The following ZNF721 variants were observed in gnomAD, a reference collection of about 807,000 sequenced individuals.
ZNF721 encodes the protein zinc finger protein 721.
In ZNF721, 2 loss-of-function variants were observed where a neutral mutation model predicts 2.4. That is an observed-to-expected ratio of 0.82 (90% CI 0.34 to 2.58). ZNF721 has a LOEUF of 2.58. Ranked by LOEUF, ZNF721 falls within the 30% of genes most tolerant of loss-of-function variation. The probability of loss-of-function intolerance (pLI) is 0.11; values close to 1 mark genes in which losing one functional copy is unlikely to be tolerated. For synonymous variants in ZNF721, 398 were observed against 381.8 expected (o/e 1.04, Z -0.50); for missense variants, 1,187 against 1,085.5 (o/e 1.09, Z -1.31).
intron 1 of ZNF721, among the ~76,000 whole-genome samples, chr4:482,119 A>G (rs781900474): frequency 6.6e-6 from 1 of 152,222 alleles, no homozygotes; most frequent in Non-Finnish European, 1.5e-5. Flanking sequence ...ATGCTCCCAC[A>G]GGTCGCATAT....
chr4:490,275 G>C (rs1303586180), intron 1 of ZNF721, among the ~76,000 whole-genome samples: 1 of 151,718 alleles, frequency 6.6e-6, no homozygotes, highest in Non-Finnish European at 1.5e-5. Flanking sequence ...AGGAGATCGA[G>C]ACCATCCTGG....
intron 2 of ZNF721, among the ~76,000 whole-genome samples, chr4:447,614 T>C (rs183345939): frequency 1.3e-5 from 2 of 152,242 alleles, no homozygotes; most frequent in Admixed American, 1.3e-4. Context: ...AAGGGATTGA[T>C]TGCAAAAATT....
chr4:474,216 T>C (rs901695621), intron 1 of ZNF721: 1 of 393,868 alleles, frequency 2.5e-6, no homozygotes, highest in Non-Finnish European at 4.9e-6. Context: ...CAGTTCTCAG[T>C]CAAGCGCTCT....
intron 1 of ZNF721, among the ~76,000 whole-genome samples, chr4:492,084 A>G (rs1313951944): frequency 2.0e-5 from 3 of 151,594 alleles, no homozygotes; most frequent in African/African-American, 4.9e-5. Flanking sequence ...AATGGTGTGA[A>G]CCAAGGAGGC....
chr4:444,979 CTTTTTTTTT>C (rs569762644), intron 2 of ZNF721, among the ~76,000 whole-genome samples: 1 of 108,736 alleles, frequency 9.2e-6, no homozygotes, highest in African/African-American at 4.0e-5. Context: ...TGATGAGAGA[CTTTTTTTTT>C]TTTTTTTTTT....
At chr4:492,315 C>T (rs782407229) in intron 1 of ZNF721, among the ~76,000 whole-genome samples, 4 of 152,094 alleles carry the variant, frequency 2.6e-5, no homozygotes, top group Non-Finnish European at 5.9e-5. Context: ...AAAAGACCTT[C>T]TGCAGTGCAC....
chr4:443,402 A>G lies in ZNF721; in HGVS notation c.1065T>C (p.His355=). 1 of 1,613,060 alleles carries G rather than the reference A, an allele frequency of 6.2e-7. No individual in the cohort carries two copies. The highest frequency in any genetic ancestry group is 8.5e-7 in the Non-Finnish European group (1 of 1,179,162). The change falls in exon 3 of 3, where the codon CAT becomes CAC. Residue 355 remains histidine (H), a synonymous_variant. Transcript: ENST00000511833. ...CGCATTTGTAAGGTTTCTCTCCAGT[A>G]TGAATTCTCCTATGTACGTAAAGGT... ...SANLYVHRRI[H]TGEKPYKCED...
Position 443,618 on chromosome 4 carries a change from A to C in ZNF721, c.849T>G (p.Gly283=). The change falls in exon 3 of 3, where the codon GGT becomes GGG. Residue 283 remains glycine, a synonymous_variant. Transcript: ENST00000511833. ...GGGTTGTGGAAATATTAAAGGCTTT[A>C]CCACATTCTAAACATTTAAAGGGTT... ...GEKPFKCLEC[G]KAFNISTTLT... The C allele has an allele frequency of 6.2e-7, 1 of 1,613,724 alleles. No individual in the cohort carries two copies. Among genetic ancestry groups the C allele is most frequent in the Non-Finnish European group, 8.5e-7 (1 of 1,179,872 alleles).
intron 2 of ZNF721, among the ~76,000 whole-genome samples, chr4:461,494 T>C (rs1365334581): frequency 3.3e-5 from 5 of 152,164 alleles, no homozygotes; most frequent in African/African-American, 9.7e-5. Flanking sequence ...CAGCCAATAT[T>C]ATACTGAATG....
chr4:474,015 G>A (rs1576967651), intron 1 of ZNF721: 1 of 1,503,690 alleles, frequency 6.7e-7, no homozygotes, highest in Non-Finnish European at 9.0e-7. Context: ...CGAAGTCTTA[G>A]CTACGAATCA....
intron 1 of ZNF721, among the ~76,000 whole-genome samples, chr4:492,175 AC>A (rs200979616): frequency 1.3e-5 from 2 of 150,028 alleles, no homozygotes; most frequent in African/African-American, 5.0e-5. Context: ...AAAAAAAAAA[AC>A]AAACAAACAA....
intron 1 of ZNF721, among the ~76,000 whole-genome samples, chr4:490,609 C>T (rs1246202207): frequency 4.6e-5 from 7 of 152,240 alleles, no homozygotes; most frequent in South Asian, 4.1e-4. Context: ...TAGAGGTTTG[C>T]TTTCCTCTTC....
At chr4:486,664 T>A (rs1436654250) in intron 1 of ZNF721, among the ~76,000 whole-genome samples, 2 of 152,234 alleles carry the variant, frequency 1.3e-5, no homozygotes, top group Non-Finnish European at 2.9e-5. Context: ...ACTTTGTCTA[T>A]ATTAAAAATC....
chr4:492,306 A>G (rs1716044485), intron 1 of ZNF721, among the ~76,000 whole-genome samples: 1 of 152,362 alleles, frequency 6.6e-6, no homozygotes, highest in African/African-American at 2.4e-5. Context: ...GGCAAAAGAA[A>G]AAGACCTTCT....
intron 2 of ZNF721, among the ~76,000 whole-genome samples, chr4:450,949 AAAAAAAAATATATATAT>A (rs1453717032): frequency 0.019 from 878 of 46,904 alleles, 38 homozygotes; most frequent in Non-Finnish European, 0.024. Flanking sequence ...AAAAAAAAAA[AAAAAAAAATATATATAT>A]ATATATATAT....
At chr4:498,750 C>G (rs1253381801) in intron 1 of ZNF721, among the ~76,000 whole-genome samples, 4 of 137,246 alleles carry the variant, frequency 2.9e-5, no homozygotes, top group African/African-American at 1.0e-4. Context: ...TTTTGAGACG[C>G]AGTCTCGCTC....
At chr4:461,928 A>AAG (rs1715083977) in intron 2 of ZNF721, among the ~76,000 whole-genome samples, 1 of 152,184 alleles carries the variant, frequency 6.6e-6, no homozygotes, top group African/African-American at 2.4e-5. Context: ...CAAGAGAAAG[A>AAG]AAGAAAGGGT....
intron 2 of ZNF721, among the ~76,000 whole-genome samples, chr4:455,163 T>G (rs1255721011): frequency 2.0e-5 from 3 of 152,184 alleles, no homozygotes; most frequent in African/African-American, 7.2e-5. Flanking sequence ...ATCATTTGCT[T>G]ATATACCTAC....
chr4:442,258 ACCAT>A lies in ZNF721; in HGVS notation c.2205_2208del (p.Trp736ProfsTer4), dbSNP rs1553863311. On this transcript the variant is annotated frameshift_variant, in exon 3 of 3. Coordinates refer to ENST00000511833, the MANE Select transcript of ZNF721 (RefSeq NM_133474.4). LOFTEE classifies it low-confidence loss of function (END_TRUNC). ...TTCTTATATTCGTTCAGGTTTGTGGACCATCCAAAGGATCTGCCACGATCTTCAC... is the reference window on the plus strand; with the variant it reads ...TTCTTATATTCGTTCAGGTTTGTGGACCAAAGGATCTGCCACGATCTTCAC... The A allele has an allele frequency of 6.2e-7, 1 of 1,613,264 alleles. No individual in the cohort carries two copies. Among genetic ancestry groups the A allele is most frequent in the South Asian group, 1.1e-5 (1 of 91,048 alleles).
Sources: allele counts gnomAD v4.1 joint callset (sites outside exome capture counted in the v4.1 genomes callset), GRCh38; gene constraint gnomAD v4.1.1; transcripts MANE v1.5; gene names NCBI Gene and HGNC (gene_info 2026-07-23, HGNC 2026-07-21).